The following RTTN variants were observed in gnomAD, a reference collection of about 807,000 sequenced individuals.
The protein encoded by RTTN is rotatin.
Under a neutral mutation model 269.2 loss-of-function variants are expected in RTTN, and 182 were observed. The ratio of observed to expected loss-of-function variants is 0.68; its 90% CI spans 0.60 to 0.76. The LOEUF is 0.76. RTTN is among the 30% of genes least tolerant of loss of function. The pLI is 0.00. For synonymous variants in RTTN, 1,006 were observed against 963.5 expected, an observed-to-expected ratio of 1.04 and a Z score of -0.82; for missense variants, 2,545 against 2,608.6, an observed-to-expected ratio of 0.98 and a Z score of 0.53.
intron 29 of RTTN, among the ~76,000 whole-genome samples, 162 bp downstream of exon 29, chr18:70,092,510 TACAA>T (rs1461931349): frequency 1.3e-5 from 2 of 152,228 alleles, no homozygotes; most frequent in Non-Finnish European, 2.9e-5. Context: ...TTTGTTAATA[TACAA>T]CTTCTAAGAA....
intron 11 of RTTN, among the ~76,000 whole-genome samples, chr18:70,170,698 A>T (rs905774178): frequency 2.6e-5 from 4 of 152,202 alleles, no homozygotes; most frequent in African/African-American, 9.7e-5. Context: ...AGCCACTGGA[A>T]CATTTTAAAC....
Position 70,092,757 on chromosome 18 carries a change from G to A in RTTN, c.3951C>T (p.Phe1317=). 2.5e-6 allele frequency: 4 copies of A among 1,613,168 alleles called. No homozygotes were observed. Among genetic ancestry groups the A allele is most frequent in the Non-Finnish European group, 3.4e-6 (4 of 1,179,300 alleles). Residue 1317 remains phenylalanine (F), a synonymous_variant, in exon 29 of 49, where the codon TTC becomes TTT. Transcript: ENST00000640769. The stretch of plus-strand genomic sequence containing the variant: ...TGCTCTTTGTAACACCTTTTCCCAT[G>A]AAGGACATAGCATTTCCTCCACGCT... ...YVERGGNAMS[F]MGKGVTKSTI...
intron 30 of RTTN, 81 bp downstream of exon 30, chr18:70,092,021 GGGATTACA>G: frequency 1.4e-6 from 1 of 704,604 alleles, no homozygotes; most frequent in South Asian, 1.7e-5. Flanking sequence ...CCAACAAGCT[GGGATTACA>G]GGCATGAGCC....
chr18:70,085,966 T>C (rs2058689787), intron 32 of RTTN, among the ~76,000 whole-genome samples: 1 of 152,148 alleles, frequency 6.6e-6, no homozygotes, highest in Non-Finnish European at 1.5e-5. Context: ...ATATATCCCA[T>C]GAAGCTAGAA....
At chr18:70,188,853 C>T (rs902555164) in intron 9 of RTTN, among the ~76,000 whole-genome samples, 5 of 87,098 alleles carry the variant, frequency 5.7e-5, no homozygotes, top group South Asian at 6.4e-4. Context: ...AACATTCACA[C>T]GAGACTTTCC....
intron 28 of RTTN, among the ~76,000 whole-genome samples, chr18:70,099,913 G>A (rs557550809): frequency 6.6e-6 from 1 of 152,140 alleles, no homozygotes; most frequent in Non-Finnish European, 1.5e-5. Flanking sequence ...TTATTTCTGA[G>A]GGCTCTGTTC....
At chr18:70,129,801 T>C (rs1365535843) in intron 23 of RTTN, 2 of 152,048 alleles carry the variant, frequency 1.3e-5, no homozygotes, top group African/African-American at 4.8e-5. Context: ...AAAAAGCTTC[T>C]GCATAGCAAA....
At chr18:70,150,871 A>C (rs1453752499) in intron 14 of RTTN, 138 bp from the exon 15 acceptor site, 3 of 504,222 alleles carry the variant, frequency 5.9e-6, no homozygotes, top group Non-Finnish European at 9.9e-6. Context: ...ACAGAATGAA[A>C]AAGATTCTCC....
In RTTN at chr18:70,150,024, A is replaced by G. The variant is rs749671850; in HGVS notation, c.2119T>C (p.Leu707=). 15 of 1,613,360 alleles carry G rather than the reference A, an allele frequency of 9.3e-6. No individual in the cohort carries two copies. In the Middle Eastern group the frequency reaches 6.6e-4, roughly 71 times the overall value. The change falls in exon 16 of 49, where the codon TTG becomes CTG. Residue 707 remains leucine (L), a synonymous_variant. Transcript: ENST00000640769. ...LLQGRLMMTA[L]TWNKFIESLC... is the part of the protein sequence containing the mutation. ...GATTCAATAAACTTGTTCCAGGTCAATGCTGTCATCATCAATCGTCCCTGA... is the reference window on the plus strand; with the variant it reads ...GATTCAATAAACTTGTTCCAGGTCAGTGCTGTCATCATCAATCGTCCCTGA...
chr18:70,018,710 C>T (rs2056612755), intron 45 of RTTN, among the ~76,000 whole-genome samples: 1 of 152,072 alleles, frequency 6.6e-6, no homozygotes, highest in South Asian at 2.1e-4. Context: ...CTGTCACTCA[C>T]ACCTACTGTC....
At chr18:70,188,313 T>C in intron 9 of RTTN, 90 bp from the exon 10 acceptor site, 2 of 712,506 alleles carry the variant, frequency 2.8e-6, no homozygotes, top group Non-Finnish European at 2.5e-6. Flanking sequence ...ATTTTCTAGT[T>C]AGTCATGCTC....
chr18:70,099,292 G>A (rs535447293), intron 28 of RTTN, among the ~76,000 whole-genome samples: 5 of 152,276 alleles, frequency 3.3e-5, no homozygotes, highest in African/African-American at 9.6e-5. Flanking sequence ...ATTCTGACTG[G>A]TGTGAGATGG....
At chr18:70,125,729 C>T (rs1215514581) in intron 25 of RTTN, among the ~76,000 whole-genome samples, 1 of 151,920 alleles carries the variant, frequency 6.6e-6, no homozygotes. Context: ...TCTTCTATCT[C>T]CAAGCACCCT....
At chr18:70,201,558 A>G (rs2061948253) in intron 4 of RTTN, among the ~76,000 whole-genome samples, 1 of 137,828 alleles carries the variant, frequency 7.3e-6, no homozygotes, top group South Asian at 2.5e-4. Flanking sequence ...CAGTGAGCCG[A>G]GATCCCACCA....
chr18:70,177,322 A>T (rs1207346979), intron 10 of RTTN, among the ~76,000 whole-genome samples: 1 of 152,254 alleles, frequency 6.6e-6, no homozygotes, highest in African/African-American at 2.4e-5. Flanking sequence ...ACATTTCTAA[A>T]GAAATGCATC....
intron 3 of RTTN, among the ~76,000 whole-genome samples, chr18:70,203,102 C>G (rs371119809): frequency 1.3e-5 from 2 of 152,164 alleles, no homozygotes; most frequent in Admixed American, 1.3e-4. Flanking sequence ...AGCAGCAGCA[C>G]AGCAGCCAAC....
At chr18:70,093,057 T>C (rs2058895041) in intron 28 of RTTN, among the ~76,000 whole-genome samples, 2 of 152,070 alleles carry the variant, frequency 1.3e-5, no homozygotes, top group African/African-American at 4.8e-5. Flanking sequence ...AGAAAAAAAT[T>C]AGCCAGGCAT....
chr18:70,203,816 T>C (rs1005124575), intron 3 of RTTN, among the ~76,000 whole-genome samples: 2 of 152,172 alleles, frequency 1.3e-5, no homozygotes, highest in Admixed American at 6.5e-5. Flanking sequence ...TACATTGTTA[T>C]TGCCAAAAAA....
chr18:70,024,506 C>T (rs1321753934), intron 44 of RTTN, among the ~76,000 whole-genome samples: 1 of 152,146 alleles, frequency 6.6e-6, no homozygotes, highest in African/African-American at 2.4e-5. Flanking sequence ...CCTCTCTATT[C>T]CCTGCGCTGC....
Sources: gnomAD v4.1 joint callset for allele counts (sites outside exome capture counted in the v4.1 genomes callset) on GRCh38, gnomAD v4.1.1 for gene constraint, MANE v1.5 for transcripts, NCBI Gene and HGNC (gene_info 2026-07-23, HGNC 2026-07-21) for gene names.